The following NLK variants were observed in gnomAD, a reference collection of about 807,000 sequenced individuals.
NLK encodes the protein serine/threonine-protein kinase NLK.
Under a neutral mutation model 59.0 loss-of-function variants are expected in NLK, and 11 were observed. That is an observed-to-expected ratio of 0.19 (90% CI 0.12 to 0.31). The LOEUF (loss-of-function observed/expected upper bound fraction) is 0.31, where lower values mean the gene tolerates loss of function less well. NLK is among the 10% of genes least tolerant of loss of function. The pLI is 1.00. For synonymous variants in NLK, 235 were observed against 235.9 expected (o/e 1.00, Z 0.03); for missense variants, 410 against 661.1 (o/e 0.62, Z 4.16).
intron 2 of NLK, among the ~76,000 whole-genome samples, chr17:28,132,299 T>A (rs1906550892): frequency 6.6e-6 from 1 of 152,214 alleles, no homozygotes; most frequent in Non-Finnish European, 1.5e-5. Flanking sequence ...GAATGATAGA[T>A]GTGGCTTCTC....
chr17:28,043,624 A>G (rs1597648179), intron 1 of NLK, among the ~76,000 whole-genome samples: 1 of 152,202 alleles, frequency 6.6e-6, no homozygotes, highest in Non-Finnish European at 1.5e-5. Context: ...CAGTAGATGA[A>G]TGTATGCAAT....
intron 1 of NLK, among the ~76,000 whole-genome samples, chr17:28,065,815 T>C (rs1425942349): frequency 1.3e-5 from 2 of 152,202 alleles, no homozygotes; most frequent in African/African-American, 4.8e-5. Flanking sequence ...ATATAACCTT[T>C]GTTGGGCCTT....
At chr17:28,145,906 TG>T (rs1230396190) in intron 3 of NLK, among the ~76,000 whole-genome samples, 15 of 152,078 alleles carry the variant, frequency 9.9e-5, no homozygotes, top group Non-Finnish European at 4.4e-5. Context: ...AGTGTTTCAC[TG>T]TGTTGGCCAG....
At chr17:28,100,717 C>G (rs1444885152) in intron 1 of NLK, among the ~76,000 whole-genome samples, 1 of 152,106 alleles carries the variant, frequency 6.6e-6, no homozygotes, top group Non-Finnish European at 1.5e-5. Flanking sequence ...TTATGAAGTT[C>G]ATTTCATCTA....
Position 28,149,319 on chromosome 17 carries a change from C to T in NLK, c.645-11841C>T, listed in dbSNP as rs939638794. Among the ~76,000 whole-genome samples the T allele has an allele frequency of 5.3e-5, 8 of 152,326 alleles. No individual in the cohort carries two copies. The South Asian group carries it at 1.0e-3, about 20-fold the overall frequency. ...CCGTAAGCAATCTTCCTGCCTCGGC[C>T]TCCCAAAGTGCCGGGTTTATAGGTG... On this transcript the variant is annotated intron_variant, in intron 3 of 10. Transcript: ENST00000407008.
At chr17:28,125,814 C>A (rs1906268236) in intron 2 of NLK, among the ~76,000 whole-genome samples, 1 of 152,086 alleles carries the variant, frequency 6.6e-6, no homozygotes, top group Non-Finnish European at 1.5e-5. Flanking sequence ...AAAACACTTT[C>A]TTTTTGAAGG....
intron 7 of NLK, among the ~76,000 whole-genome samples, chr17:28,176,435 G>A (rs946120136): frequency 2.0e-5 from 3 of 152,052 alleles, no homozygotes; most frequent in African/African-American, 4.8e-5. Flanking sequence ...ACTTTGCTAT[G>A]TGCTGAACAC....
At chr17:28,199,696 A>AAC (rs1909579597), downstream of NLK, among the ~76,000 whole-genome samples, 4 of 20,904 alleles carry the variant, frequency 1.9e-4, no homozygotes, top group African/African-American at 7.1e-4. Flanking sequence ...AAAACAAAAC[A>AAC]AAAAAAAAAA....
intron 1 of NLK, among the ~76,000 whole-genome samples, chr17:28,095,820 C>CA (rs2142783752): frequency 6.6e-6 from 1 of 152,320 alleles, no homozygotes; most frequent in Admixed American, 6.5e-5. Flanking sequence ...GGCATTCTGA[C>CA]ACTCACTGTA....
At chr17:28,099,664 C>T (rs1406041658) in intron 1 of NLK, among the ~76,000 whole-genome samples, 1 of 149,242 alleles carries the variant, frequency 6.7e-6, no homozygotes, top group East Asian at 1.9e-4. Flanking sequence ...CTGCAAGCTC[C>T]GCTTCCCGGG....
chr17:28,098,359 G>A (rs1489514838), intron 1 of NLK, among the ~76,000 whole-genome samples: 1 of 152,134 alleles, frequency 6.6e-6, no homozygotes, highest in Non-Finnish European at 1.5e-5. Flanking sequence ...TGGAGTAAAA[G>A]AGAGTAGAAA....
At chr17:28,076,317 G>T (rs1267801356) in intron 1 of NLK, among the ~76,000 whole-genome samples, 1 of 152,170 alleles carries the variant, frequency 6.6e-6, no homozygotes, top group Non-Finnish European at 1.5e-5. Context: ...TTGGTGGCTG[G>T]TGAGGGCCCA....
intron 1 of NLK, among the ~76,000 whole-genome samples, chr17:28,051,079 CAA>C (rs564894359): frequency 4.4e-4 from 28 of 63,376 alleles, no homozygotes; most frequent in Admixed American, 1.1e-3. Context: ...GAACCTGTCT[CAA>C]AAAAAAAAAA....
intron 1 of NLK, among the ~76,000 whole-genome samples, chr17:28,097,387 A>G (rs1483822894): frequency 6.6e-6 from 1 of 152,150 alleles, no homozygotes; most frequent in Non-Finnish European, 1.5e-5. Context: ...TTGACTTGGC[A>G]TTATACAAGT....
At chr17:28,133,484 T>C (rs1906606489) in intron 3 of NLK, among the ~76,000 whole-genome samples, 1 of 152,168 alleles carries the variant, frequency 6.6e-6, no homozygotes, top group Non-Finnish European at 1.5e-5. Flanking sequence ...TGAATAATAA[T>C]GAACTATAAA....
intron 1 of NLK, among the ~76,000 whole-genome samples, chr17:28,111,562 A>C (rs897844533): frequency 2.0e-5 from 3 of 152,040 alleles, no homozygotes; most frequent in African/African-American, 7.2e-5. Flanking sequence ...TTTTGCTAAA[A>C]ACTGGACGTA....
intron 1 of NLK, among the ~76,000 whole-genome samples, chr17:28,049,799 G>T (rs1477500432): frequency 2.0e-5 from 3 of 152,130 alleles, no homozygotes; most frequent in Admixed American, 6.5e-5. Flanking sequence ...TGACCAACAT[G>T]GTGAAATCCC....
At chr17:28,154,612 A>G (rs1205460975) in intron 3 of NLK, among the ~76,000 whole-genome samples, 1 of 152,240 alleles carries the variant, frequency 6.6e-6, no homozygotes, top group African/African-American at 2.4e-5. Flanking sequence ...TTGAAATGAT[A>G]TAAAAGAATA....
chr17:28,135,366 CCTT>C (rs901808389), intron 3 of NLK, among the ~76,000 whole-genome samples: 1 of 152,166 alleles, frequency 6.6e-6, no homozygotes, highest in African/African-American at 2.4e-5. Context: ...ATGTGAGTGA[CCTT>C]AGCTGCCGAG....
Sources: allele counts gnomAD v4.1 joint callset (sites outside exome capture counted in the v4.1 genomes callset), GRCh38; gene constraint gnomAD v4.1.1; transcripts MANE v1.5; gene names NCBI Gene and HGNC (gene_info 2026-07-23, HGNC 2026-07-21).